The following SAMMSON variants were observed in gnomAD, a reference collection of about 807,000 sequenced individuals.
SAMMSON encodes survival associated mitochondrial melanoma specific oncogenic non-coding RNA.
intron 9 of SAMMSON, among the ~76,000 whole-genome samples, chr3:70,363,804 G>C (rs397877070): frequency 3.8e-4 from 42 of 111,644 alleles, no homozygotes; most frequent in East Asian, 1.1e-3. Flanking sequence ...CATTGTCTGT[G>C]TGTGTGTGTG....
intron 3 of SAMMSON, among the ~76,000 whole-genome samples, chr3:70,067,837 A>C (rs2067215741): frequency 1.3e-5 from 2 of 152,116 alleles, no homozygotes; most frequent in Non-Finnish European, 2.9e-5. Flanking sequence ...GGTGACATAA[A>C]GGAGCATCTA....
intron 3 of SAMMSON, among the ~76,000 whole-genome samples, chr3:70,019,470 G>A (rs909940338): frequency 6.6e-6 from 1 of 152,100 alleles, no homozygotes. Context: ...TTGAGCCTAT[G>A]TGTGTCTCTG....
At chr3:70,417,015 A>C (rs779329076) in intron 2 of SAMMSON, among the ~76,000 whole-genome samples, 6 of 152,050 alleles carry the variant, frequency 3.9e-5, no homozygotes, top group Non-Finnish European at 5.9e-5. Context: ...GACAGACATC[A>C]CTAATCAGCT....
chr3:70,049,062 C>T (rs993433382), intron 3 of SAMMSON, among the ~76,000 whole-genome samples: 3 of 152,134 alleles, frequency 2.0e-5, no homozygotes, highest in African/African-American at 7.2e-5. Flanking sequence ...AGAGACATAA[C>T]TCCTAAGATA....
chr3:70,126,638 A>G (rs1435302404), intron 4 of SAMMSON: 4 of 333,296 alleles, frequency 1.2e-5, no homozygotes, highest in Admixed American at 4.4e-5. Flanking sequence ...GCCCAGAGAC[A>G]TGTGGGACTC....
intron 1 of SAMMSON, among the ~76,000 whole-genome samples, chr3:70,000,907 G>A (rs1438246917): frequency 6.6e-6 from 1 of 152,154 alleles, no homozygotes; most frequent in Non-Finnish European, 1.5e-5. Flanking sequence ...CCAGCGTGAT[G>A]ACCAAATAAC....
chr3:70,366,461 T>G (rs1376115227), intron 9 of SAMMSON, among the ~76,000 whole-genome samples: 1 of 150,586 alleles, frequency 6.6e-6, no homozygotes, highest in Non-Finnish European at 1.5e-5. Flanking sequence ...TCCATGTCTG[T>G]TTTTTTGTTT....
At chr3:70,310,203 T>G (rs1237235943) in intron 7 of SAMMSON, among the ~76,000 whole-genome samples, 5 of 152,096 alleles carry the variant, frequency 3.3e-5, no homozygotes. Context: ...TTAACAGAAA[T>G]GATTCTGGAA....
chr3:70,293,638 CA>C (rs1702261384), intron 7 of SAMMSON, among the ~76,000 whole-genome samples: 2 of 152,028 alleles, frequency 1.3e-5, no homozygotes, highest in Admixed American at 1.3e-4. Flanking sequence ...CCAAATAAGA[CA>C]TTTTTTTGTA....
chr3:70,109,248 A>G (rs1332109340), intron 4 of SAMMSON, among the ~76,000 whole-genome samples: 3 of 152,116 alleles, frequency 2.0e-5, no homozygotes, highest in Non-Finnish European at 2.9e-5. Flanking sequence ...CTGTGTCACC[A>G]AAATAACTTG....
At chr3:70,350,730 G>A (rs1575631499) in intron 7 of SAMMSON, among the ~76,000 whole-genome samples, 1 of 152,124 alleles carries the variant, frequency 6.6e-6, no homozygotes, top group East Asian at 1.9e-4. Context: ...AAATAAATTA[G>A]TAAGGTAATT....
chr3:70,070,002 A>G (rs1045467148), intron 3 of SAMMSON: 2 of 152,054 alleles, frequency 1.3e-5, no homozygotes, highest in Non-Finnish European at 2.9e-5. Context: ...GTATTTTTGA[A>G]CCTTTCAGAA....
chr3:70,259,637 G>T (rs554271479), intron 6 of SAMMSON, among the ~76,000 whole-genome samples: 1 of 152,266 alleles, frequency 6.6e-6, no homozygotes, highest in South Asian at 2.1e-4. Flanking sequence ...CACCCTGAAA[G>T]TCTGACGTGT....
intron 2 of SAMMSON, among the ~76,000 whole-genome samples, chr3:70,399,748 T>C (rs1479751815): frequency 6.6e-6 from 1 of 151,218 alleles, no homozygotes; most frequent in Non-Finnish European, 1.5e-5. Flanking sequence ...TGTGTGCCTG[T>C]AGTTCCAGCT....
intron 9 of SAMMSON, among the ~76,000 whole-genome samples, chr3:70,377,596 C>A (rs765476435): frequency 2.0e-5 from 3 of 151,820 alleles, no homozygotes; most frequent in Admixed American, 6.6e-5. Flanking sequence ...GTAATTTAAG[C>A]AATTCAGAAA....
At chr3:70,377,275 T>A (rs1423996495) in intron 9 of SAMMSON, among the ~76,000 whole-genome samples, 1 of 152,158 alleles carries the variant, frequency 6.6e-6, no homozygotes, top group African/African-American at 2.4e-5. Context: ...TTTAGCCTGA[T>A]GCTGGAAATA....
intron 1 of SAMMSON, among the ~76,000 whole-genome samples, chr3:70,007,509 A>C (rs1396332841): frequency 6.6e-6 from 1 of 151,674 alleles, no homozygotes; most frequent in Non-Finnish European, 1.5e-5. Flanking sequence ...TTTTCATGTA[A>C]CTTTGTTTGA....
At chr3:70,157,782 C>A (rs552260992) in intron 4 of SAMMSON, among the ~76,000 whole-genome samples, 11 of 151,976 alleles carry the variant, frequency 7.2e-5, no homozygotes, top group Non-Finnish European at 1.5e-4. Context: ...ATTCTCATAA[C>A]GATCTTGCAA....
intron 7 of SAMMSON, among the ~76,000 whole-genome samples, chr3:70,340,115 G>A (rs1474556090): frequency 6.6e-6 from 1 of 151,938 alleles, no homozygotes; most frequent in African/African-American, 2.4e-5. Context: ...GGACATGGAT[G>A]AAGCTGGAAA....
Sources: gnomAD v4.1 joint callset for allele counts (sites outside exome capture counted in the v4.1 genomes callset) on GRCh38, gnomAD v4.1.1 for gene constraint, MANE v1.5 for transcripts, NCBI Gene and HGNC (gene_info 2026-07-23, HGNC 2026-07-21) for gene names.